CCDC141: variants seen among roughly 807,000 people sequenced by gnomAD.
CCDC141 encodes the protein coiled-coil domain-containing protein 141.
CCDC141 carries 168 observed loss-of-function variants against 181.0 expected under a neutral mutation model. The ratio of observed to expected loss-of-function variants is 0.93; its 90% CI spans 0.82 to 1.05. The LOEUF (loss-of-function observed/expected upper bound fraction) is 1.05. Among genes scored for constraint, CCDC141 ranks in the 50% least tolerant of loss-of-function variants. CCDC141 has a pLI of 0.00. For missense variants in CCDC141, 1,902 were observed against 1,788.5 expected, an observed-to-expected ratio of 1.06 and a Z score of -1.14; for synonymous variants, 666 against 642.3, an observed-to-expected ratio of 1.04 and a Z score of -0.56.
intron 7 of CCDC141, among the ~76,000 whole-genome samples, chr2:178,908,005 A>G (rs1688051251): frequency 6.6e-6 from 1 of 151,968 alleles, no homozygotes. Context: ...GTCTCAAAAA[A>G]TAAAAAAAAA....
chr2:178,985,894 A>C, intron 2 of CCDC141, among the ~76,000 whole-genome samples: 1 of 152,218 alleles, frequency 6.6e-6, no homozygotes, highest in East Asian at 1.9e-4. Context: ...AGGTACAAGG[A>C]GGAACTGGTA....
chr2:178,827,034 A>G (rs1021755717), downstream of CCDC141, among the ~76,000 whole-genome samples: 7 of 152,092 alleles, frequency 4.6e-5, no homozygotes, highest in South Asian at 4.1e-4. Context: ...TCTACATCCC[A>G]CAGATTTTGA....
chr2:178,916,973 A>G (rs2154374371), intron 7 of CCDC141, among the ~76,000 whole-genome samples: 1 of 151,756 alleles, frequency 6.6e-6, no homozygotes, highest in Middle Eastern at 3.4e-3. Flanking sequence ...TTTGCAGGAG[A>G]TATTTCTTCT....
At chr2:178,905,634 A>C in intron 7 of CCDC141, 133 bp from the exon 8 acceptor site, 1 of 876,064 alleles carries the variant, frequency 1.1e-6, no homozygotes, top group Admixed American at 3.1e-5. Context: ...CAACCATCTT[A>C]ATCTTGGAAG....
intron 3 of CCDC141, among the ~76,000 whole-genome samples, chr2:178,975,778 C>G (rs142734131): frequency 1.0e-3 from 157 of 152,018 alleles, no homozygotes; most frequent in African/African-American, 3.7e-3. Context: ...AAAATACACA[C>G]CAAATGGTGA....
At chr2:178,872,072 G>T in intron 13 of CCDC141, 61 bp downstream of exon 13, 1 of 1,513,378 alleles carries the variant, frequency 6.6e-7, no homozygotes, top group Non-Finnish European at 9.0e-7. Flanking sequence ...TTCAAGGTTC[G>T]CTCATGTTAG....
intron 1 of CCDC141, among the ~76,000 whole-genome samples, chr2:179,048,329 T>G (rs1015537192): frequency 1.1e-4 from 16 of 152,054 alleles, no homozygotes; most frequent in African/African-American, 3.9e-4. Flanking sequence ...TTGCTTGGGG[T>G]GTATTTTGTA....
intron 6 of CCDC141, among the ~76,000 whole-genome samples, chr2:178,920,458 A>C (rs1278931299): frequency 1.3e-5 from 2 of 152,146 alleles, no homozygotes; most frequent in Non-Finnish European, 2.9e-5. Flanking sequence ...GTGGTGGCTC[A>C]CGTTTGTAAT....
chr2:178,826,563 CT>C (rs1456787852), downstream of CCDC141, among the ~76,000 whole-genome samples: 1 of 151,794 alleles, frequency 6.6e-6, no homozygotes, highest in South Asian at 2.1e-4. Context: ...CTTGTGTTTT[CT>C]TTTTTTGGAA....
intron 6 of CCDC141, among the ~76,000 whole-genome samples, chr2:178,924,848 T>C (rs933613104): frequency 1.3e-5 from 2 of 152,212 alleles, no homozygotes; most frequent in African/African-American, 4.8e-5. Flanking sequence ...TAGAAAATCA[T>C]TGCGACTGAA....
intron 2 of CCDC141, among the ~76,000 whole-genome samples, chr2:179,027,758 T>C (rs2042894278): frequency 6.6e-6 from 1 of 150,688 alleles, no homozygotes. Context: ...CCTTCCACCA[T>C]GATTGTGAGG....
rs950251797 is a variant in CCDC141, at chr2:178,848,186, G to A, written c.3357+1863C>T. ...AGATGGTAAGATTTCGAAAAACAGA[G>A]ACAGAAGGTCGTGTCCTTGAAGTAA... On this transcript the variant is annotated intron_variant, in intron 21 of 23. Coordinates refer to ENST00000443758, the MANE Select transcript of CCDC141 (RefSeq NM_173648.4). 3.9e-4 allele frequency among the ~76,000 whole-genome samples: 59 copies of A among 152,308 alleles called. 1 individual carries two copies. The highest frequency in any genetic ancestry group is 5.9e-5 in the Non-Finnish European group (4 of 68,028).
chr2:179,009,756 C>CA (rs1303960560), intron 2 of CCDC141, among the ~76,000 whole-genome samples: 2 of 151,600 alleles, frequency 1.3e-5, no homozygotes, highest in African/African-American at 2.4e-5. Flanking sequence ...TTGGCCTCCC[C>CA]AAAAAATCAC....
intron 4 of CCDC141, among the ~76,000 whole-genome samples, chr2:178,970,815 T>C (rs1386527791): frequency 6.6e-6 from 1 of 152,180 alleles, no homozygotes; most frequent in East Asian, 1.9e-4. Context: ...AAAGAAACTA[T>C]CATCAGTGAA....
At chr2:178,952,891 TGAGGCAG>T (rs1393879754) in intron 5 of CCDC141, among the ~76,000 whole-genome samples, 1 of 152,242 alleles carries the variant, frequency 6.6e-6, no homozygotes, top group African/African-American at 2.4e-5. Context: ...TTCTTTTTTT[TGAGGCAG>T]CAGCTCACAT....
chr2:178,966,915 C>T (rs1350895603), intron 4 of CCDC141, among the ~76,000 whole-genome samples: 1 of 151,520 alleles, frequency 6.6e-6, no homozygotes, highest in South Asian at 2.1e-4. Flanking sequence ...TAAATGACCT[C>T]ATGGAGCTGA....
chr2:179,016,452 C>T (rs2042545411), intron 2 of CCDC141, among the ~76,000 whole-genome samples: 1 of 152,052 alleles, frequency 6.6e-6, no homozygotes, highest in South Asian at 2.1e-4. Context: ...ACAGCATTAA[C>T]AGTTAGTAAA....
rs768038449 is a variant in CCDC141, at chr2:178,878,017, T to A, written c.1846A>T (p.Lys616Ter). The change falls in exon 12 of 24, where the codon AAG becomes TAG. Residue 616 changes from lysine (K) to a stop codon, truncating the protein, a stop_gained. Transcript: ENST00000443758. LOFTEE classifies it high-confidence loss of function. ...AEKQWQLFLK[K>*]SFITQDLGLE... ...CCTAGATCTTGTGTTATAAAACTCT[T>A]CTTTAAAAATAGCTGCCACTGCTTC... is the stretch of plus-strand genomic sequence containing the variant. 1 of 1,613,888 alleles carries A rather than the reference T, an allele frequency of 6.2e-7. No homozygotes were observed. The highest frequency in any genetic ancestry group is 8.5e-7 in the Non-Finnish European group (1 of 1,179,858).
rs759967462 is a variant in CCDC141 at position 178,837,575 on chromosome 2, G to A, written c.3644C>T (p.Ser1215Phe). 4.3e-6 allele frequency: 7 copies of A among 1,613,886 alleles called. No individual in the cohort carries two copies. Among genetic ancestry groups the A allele is most frequent in the Non-Finnish European group, 5.9e-6 (7 of 1,179,896 alleles). The change falls in exon 23 of 24, where the codon TCC (serine) becomes TTC (phenylalanine). Residue 1215 changes from serine (S) to phenylalanine (F), a missense_variant. Physicochemically the swap from Ser to Phe is radical, Grantham distance 155. Transcript: ENST00000443758. ...EYECVSPDDI[S>F]LPPLPGSPES... ...AGGGCTTCCTGGGAGAGGAGGCAAG[G>A]AGATGTCATCAGGTGAGACACACTC... is the stretch of plus-strand genomic sequence containing the variant.
Sources: allele counts gnomAD v4.1 joint callset (sites outside exome capture counted in the v4.1 genomes callset), GRCh38; gene constraint gnomAD v4.1.1; transcripts MANE v1.5; gene names NCBI Gene and HGNC (gene_info 2026-07-23, HGNC 2026-07-21).